SPTAN1: variants seen among roughly 807,000 people sequenced by gnomAD.
The protein encoded by SPTAN1 is spectrin alpha, non-erythrocytic 1.
In SPTAN1, 61 loss-of-function variants were observed where a neutral mutation model predicts 331.3. The ratio of observed to expected loss-of-function variants is 0.18; its 90% CI spans 0.15 to 0.23. The LOEUF (loss-of-function observed/expected upper bound fraction) is 0.23, where lower values mean the gene tolerates loss of function less well. SPTAN1 is among the 10% of genes least tolerant of loss of function. SPTAN1 has a pLI of 1.00. For synonymous variants in SPTAN1, 1,153 were observed against 1,173.9 expected (o/e 0.98, Z 0.36); for missense variants, 2,043 against 3,147.9 (o/e 0.65, Z 8.40).
Position 128,598,503 on chromosome 9 carries a change from A to C in SPTAN1, c.3518A>C (p.Gln1173Pro), listed in dbSNP as rs141696651. ...GAGGAGGTGCAGGCTGTGCAACAACAGGTAGGTGTCTCCATCTTGGAGTGA... is the reference window on the plus strand; with the variant it reads ...GAGGAGGTGCAGGCTGTGCAACAACCGGTAGGTGTCTCCATCTTGGAGTGA... ...MAEEVQAVQQ[Q>P]EVYGMMPRDE... Residue 1173 changes from glutamine (Q) to proline (P), a missense_variant and splice_region_variant, in exon 25 of 57, where the codon CAG becomes CCG. Gln to Pro is a moderately conservative substitution (Grantham distance 76). Transcript: ENST00000372739. 226 of 1,602,714 alleles carry C rather than the reference A, an allele frequency of 1.4e-4. No homozygotes were observed. Among genetic ancestry groups the C allele is most frequent in the Middle Eastern group, 8.3e-4 (5 of 5,996 alleles).
In SPTAN1 at chr9:128,568,900, G is replaced by A. The variant is rs1352024308; in HGVS notation, c.363+3G>A. Reference sequence around the variant, plus strand: ...ATTTTGCATCTGAAACCATACGGGTGAGTATGAGTAGCTCGTGGAGTGGAT... The same window carrying A: ...ATTTTGCATCTGAAACCATACGGGTAAGTATGAGTAGCTCGTGGAGTGGAT... On this transcript the variant is annotated splice_donor_region_variant and intron_variant, in intron 3 of 56. Coordinates refer to ENST00000372739, the MANE Select transcript of SPTAN1 (RefSeq NM_001130438.3). 1 of 1,614,034 alleles carries A rather than the reference G, an allele frequency of 6.2e-7. No homozygotes were observed. Among genetic ancestry groups the A allele is most frequent in the East Asian group, 2.2e-5 (1 of 44,876 alleles).
chr9:128,591,458 C>G lies in SPTAN1; in HGVS notation c.3007-19C>G, dbSNP rs779899640. ...TCAGAGAAGGAATTTACTTTCAGTTCTCCCTCTTTTTTCCTTAGGATTGGT... is the reference window on the plus strand; with the variant it reads ...TCAGAGAAGGAATTTACTTTCAGTTGTCCCTCTTTTTTCCTTAGGATTGGT... On this transcript the variant is annotated intron_variant, in intron 21 of 56. Transcript: ENST00000372739. The G allele has an allele frequency of 1.2e-6, 2 of 1,614,010 alleles. No homozygotes were observed. Among genetic ancestry groups the G allele is most frequent in the Non-Finnish European group, 1.7e-6 (2 of 1,179,910 alleles).
At chr9:128,626,309 A>G (rs1357144624) in intron 48 of SPTAN1, 82 bp from the exon 49 acceptor site, 4 of 1,543,298 alleles carry the variant, frequency 2.6e-6, no homozygotes, top group Non-Finnish European at 3.6e-6. Context: ...ATTCCCAGGA[A>G]CCACCCCGCA....
At position 128,593,657 on chromosome 9, in the gene SPTAN1, T is replaced by C. The variant is rs555637426; in HGVS notation, c.3216-518T>C. On this transcript the variant is annotated intron_variant, in intron 23 of 56. Transcript: ENST00000372739. Reference sequence around the variant, plus strand: ...GAACTTGCCAAAACTTTCTGAGAGCTGAATGTATCATTTTAGAAATGTCCT... The same window carrying C: ...GAACTTGCCAAAACTTTCTGAGAGCCGAATGTATCATTTTAGAAATGTCCT... 1.5e-3 allele frequency: 295 copies of C among 198,992 alleles called. 1 individual carries two copies. The highest frequency in any genetic ancestry group is 6.6e-3 in the African/African-American group (284 of 43,330). The allele number at this position is 198,992 out of a possible 1,614,324, so 12.3% of individuals were successfully genotyped here.
rs1438288579 is a variant in SPTAN1, at chr9:128,579,633, G to A, written c.1222-4G>A. On this transcript the variant is annotated splice_region_variant and splice_polypyrimidine_tract_variant and intron_variant, in intron 9 of 56. Coordinates refer to ENST00000372739, the MANE Select transcript of SPTAN1 (RefSeq NM_001130438.3). ...AATCATGGCTTTGTTTTTTTCTCCT[G>A]TAGGGTGAAATTGATGCCCATGAAG... is the stretch of plus-strand genomic sequence containing the variant. 1.9e-6 allele frequency: 3 copies of A among 1,612,872 alleles called. No homozygotes were observed. The highest frequency in any genetic ancestry group is 2.7e-5 in the African/African-American group (2 of 74,858).
chr9:128,602,487 G>C (rs1035524983), intron 27 of SPTAN1, among the ~76,000 whole-genome samples: 1 of 152,124 alleles, frequency 6.6e-6, no homozygotes, highest in African/African-American at 2.4e-5. Context: ...AAAGTGCTGG[G>C]ATTACAGGCG....
rs1431385452 is a variant in SPTAN1 at position 128,584,273 on chromosome 9, C to T, written c.2194-9C>T. The T allele has an allele frequency of 6.2e-7, 1 of 1,614,190 alleles. No homozygotes were observed. The highest frequency in any genetic ancestry group is 2.2e-5 in the East Asian group (1 of 44,890). On this transcript the variant is annotated splice_polypyrimidine_tract_variant and intron_variant, in intron 16 of 56. Transcript: ENST00000372739. ...AAGTAAAGTCTGCTCTGTCCTTTTG[C>T]ATTCCCAGGACCGAATTGATGGCAT... is the stretch of plus-strand genomic sequence containing the variant.
At chr9:128,560,379 C>T (rs1177814469) in intron 1 of SPTAN1, among the ~76,000 whole-genome samples, 10 of 148,474 alleles carry the variant, frequency 6.7e-5, no homozygotes, top group East Asian at 2.0e-4. Context: ...CCACCGTGCC[C>T]GCCTTTTTTT....
chr9:128,554,402 T>C (rs1848432074), intron 1 of SPTAN1, among the ~76,000 whole-genome samples: 1 of 152,240 alleles, frequency 6.6e-6, no homozygotes, highest in Non-Finnish European at 1.5e-5. Context: ...TCAAGCAATA[T>C]GATGAAGAGG....
rs1402572860 is a variant in SPTAN1, at chr9:128,633,569, A to G, written c.*235A>G. On this transcript the variant is annotated 3_prime_UTR_variant, in exon 57 of 57. Coordinates refer to ENST00000372739, the MANE Select transcript of SPTAN1 (RefSeq NM_001130438.3). ...GCTGCCCTCATTCCGACTTCAGAAA[A>G]TCGAAGCAGCTGGCTCCTCCCCTTG... 5.6e-6 allele frequency: 6 copies of G among 1,068,460 alleles called. No individual in the cohort carries two copies. Among genetic ancestry groups the G allele is most frequent in the Non-Finnish European group, 8.2e-6 (6 of 731,216 alleles). 66.2% of individuals were successfully genotyped at this position (1,068,460 alleles called of 1,614,324 possible).
At chr9:128,597,497 G>A (rs1281086237) in intron 24 of SPTAN1, among the ~76,000 whole-genome samples, 2 of 152,134 alleles carry the variant, frequency 1.3e-5, no homozygotes, top group Non-Finnish European at 2.9e-5. Flanking sequence ...CCACTCCAGC[G>A]TGGGTGACAG....
intron 48 of SPTAN1, 41 bp downstream of exon 48, chr9:128,626,019 C>T (rs558190565): frequency 6.2e-7 from 1 of 1,606,776 alleles, no homozygotes; most frequent in South Asian, 1.1e-5. Flanking sequence ...GCCCACAGCT[C>T]AAGGAAGGAC....
chr9:128,631,058 C>T (rs564238649), intron 52 of SPTAN1, among the ~76,000 whole-genome samples: 5 of 152,058 alleles, frequency 3.3e-5, no homozygotes, highest in Admixed American at 6.5e-5. Flanking sequence ...TTGGCCAGGC[C>T]GGTCTGGAAC....
rs117576726 is a variant in SPTAN1, at chr9:128,607,241, C to T, written c.4047-363C>T. 2.8e-3 allele frequency among the ~76,000 whole-genome samples: 425 copies of T among 151,540 alleles called. 3 individuals carry two copies. The highest frequency in any genetic ancestry group is 0.024 in the East Asian group (122 of 5,114). On this transcript the variant is annotated intron_variant, in intron 31 of 56. Transcript: ENST00000372739. Reference sequence around the variant, plus strand: ...CTGATCTTGAATTCCTGAGCTCAAGCGATCCTCCTGCCTCAGCCTCCCAAA... The same window carrying T: ...CTGATCTTGAATTCCTGAGCTCAAGTGATCCTCCTGCCTCAGCCTCCCAAA...
chr9:128,632,898 C>G lies in SPTAN1; in HGVS notation c.7251C>G (p.Ala2417=). Reference sequence around the variant, plus strand: ...AGTCCAGCGAGGAGATTGAGAGCGCCTTCCGGGCCCTCAGCTCAGAGGGAA... The same window carrying G: ...AGTCCAGCGAGGAGATTGAGAGCGCGTTCCGGGCCCTCAGCTCAGAGGGAA... ...NVKSSEEIES[A]FRALSSEGKP... Residue 2417 remains alanine, a synonymous_variant, in exon 56 of 57, where the codon GCC becomes GCG. Transcript: ENST00000372739. 1 of 1,613,868 alleles carries G rather than the reference C, an allele frequency of 6.2e-7. No individual in the cohort carries two copies. Among genetic ancestry groups the G allele is most frequent in the Non-Finnish European group, 8.5e-7 (1 of 1,180,042 alleles).
intron 4 of SPTAN1, 37 bp downstream of exon 4, chr9:128,574,852 CAAAG>C (rs771370468): frequency 4.3e-6 from 7 of 1,613,638 alleles, no homozygotes; most frequent in Non-Finnish European, 5.1e-6. Context: ...AAGCTTTACT[CAAAG>C]AAAAGGGAAG....
intron 3 of SPTAN1, among the ~76,000 whole-genome samples, chr9:128,569,383 A>T (rs538937597): frequency 6.6e-6 from 1 of 152,034 alleles, no homozygotes; most frequent in Non-Finnish European, 1.5e-5. Flanking sequence ...TGTGGCACCT[A>T]TTGGTCAATG....
chr9:128,598,893 C>T, intron 25 of SPTAN1, 70 bp from the exon 26 acceptor site: 2 of 1,417,624 alleles, frequency 1.4e-6, no homozygotes, highest in Non-Finnish European at 2.0e-6. Flanking sequence ...CCAGGTTTGG[C>T]CATAATAAGT....
intron 39 of SPTAN1, 99 bp from the exon 40 acceptor site, chr9:128,613,282 C>T: frequency 1.1e-6 from 1 of 933,180 alleles, no homozygotes; most frequent in South Asian, 1.3e-5. Flanking sequence ...TTCAACTGTC[C>T]AAGCAAGGCC....
Sources: gnomAD v4.1 joint callset for allele counts (sites outside exome capture counted in the v4.1 genomes callset) on GRCh38, gnomAD v4.1.1 for gene constraint, MANE v1.5 for transcripts, NCBI Gene and HGNC (gene_info 2026-07-23, HGNC 2026-07-21) for gene names.